The following HSDL2 variants were observed in gnomAD, a reference collection of about 807,000 sequenced individuals.
The protein encoded by HSDL2 is hydroxysteroid dehydrogenase-like protein 2.
In HSDL2, 27 loss-of-function variants were observed where a neutral mutation model predicts 46.3. That is an observed-to-expected ratio of 0.58 (90% CI 0.43 to 0.80). HSDL2 has a LOEUF of 0.80. Among genes scored for constraint, HSDL2 ranks in the 30% least tolerant of loss-of-function variants. The pLI, the probability that HSDL2 is intolerant of heterozygous loss-of-function variation, is 0.00. For synonymous variants in HSDL2, 153 were observed against 163.6 expected (o/e 0.94, Z 0.50); for missense variants, 451 against 502.7 (o/e 0.90, Z 0.98).
chr9:112,390,302 T>A (rs1416821294), intron 1 of HSDL2, among the ~76,000 whole-genome samples: 1 of 152,092 alleles, frequency 6.6e-6, no homozygotes, highest in East Asian at 1.9e-4. Flanking sequence ...TTTATGGACA[T>A]TCAGTTTATG....
chr9:112,449,639 G>A (rs192752145), intron 8 of HSDL2, among the ~76,000 whole-genome samples: 4 of 151,886 alleles, frequency 2.6e-5, no homozygotes, highest in Non-Finnish European at 4.4e-5. Flanking sequence ...TGAGGCAGGC[G>A]GATTGTCTGA....
intron 1 of HSDL2, among the ~76,000 whole-genome samples, chr9:112,397,363 A>C (rs1376684719): frequency 6.6e-6 from 1 of 152,204 alleles, no homozygotes; most frequent in African/African-American, 2.4e-5. Context: ...CTCATGGTTC[A>C]CATTCTTAAA....
At chr9:112,404,576 G>A (rs999718675) in intron 2 of HSDL2, among the ~76,000 whole-genome samples, 11 of 152,018 alleles carry the variant, frequency 7.2e-5, no homozygotes, top group African/African-American at 2.7e-4. Context: ...AGTGGTTCTT[G>A]GATGGGAGGG....
At chr9:112,448,485 T>A (rs1186982263) in intron 8 of HSDL2, among the ~76,000 whole-genome samples, 1 of 152,120 alleles carries the variant, frequency 6.6e-6, no homozygotes, top group East Asian at 1.9e-4. Flanking sequence ...AAATGGGTAC[T>A]TTTTCTATTC....
chr9:112,405,703 A>G lies in HSDL2; in HGVS notation c.261A>G (p.Lys87=), dbSNP rs751539587. 6.2e-7 allele frequency: 1 copy of G among 1,609,970 alleles called. No individual in the cohort carries two copies. The highest frequency in any genetic ancestry group is 8.5e-7 in the Non-Finnish European group (1 of 1,177,640). The change falls in exon 3 of 11, where the codon AAA becomes AAG. Residue 87 remains lysine, a synonymous_variant. Transcript: ENST00000398805. ...AGCAGATCAGTGCTGCAGTGGAGAAAGCCATCAAGAAATTTGGAGGTAATA... is the reference window on the plus strand; with the variant it reads ...AGCAGATCAGTGCTGCAGTGGAGAAGGCCATCAAGAAATTTGGAGGTAATA... ...DEQQISAAVE[K]AIKKFGGIDI...
intron 10 of HSDL2, among the ~76,000 whole-genome samples, chr9:112,464,555 A>C (rs1833320908): frequency 6.6e-6 from 1 of 152,204 alleles, no homozygotes. Context: ...ATATATAGCT[A>C]TAACTAATTT....
At chr9:112,387,273 G>A (rs930800764) in intron 1 of HSDL2, among the ~76,000 whole-genome samples, 2 of 150,942 alleles carry the variant, frequency 1.3e-5, no homozygotes, top group African/African-American at 4.9e-5. Flanking sequence ...AGGCTGGAGT[G>A]CAGTGGTGTG....
At chr9:112,380,795 C>T (rs1831070149) in intron 1 of HSDL2, among the ~76,000 whole-genome samples, 1 of 151,996 alleles carries the variant, frequency 6.6e-6, no homozygotes, top group Non-Finnish European at 1.5e-5. Flanking sequence ...GAACTTTTTT[C>T]ATCTGCAAGC....
At chr9:112,455,873 C>T (rs909839634) in intron 9 of HSDL2, among the ~76,000 whole-genome samples, 3 of 152,212 alleles carry the variant, frequency 2.0e-5, no homozygotes, top group Non-Finnish European at 4.4e-5. Flanking sequence ...TCATCCTTGC[C>T]TCCTTCCCTC....
At chr9:112,427,037 T>TATTAATTA (rs564036699) in intron 6 of HSDL2, among the ~76,000 whole-genome samples, 1 of 152,050 alleles carries the variant, frequency 6.6e-6, no homozygotes, top group South Asian at 2.1e-4. Flanking sequence ...ATTATTATAT[T>TATTAATTA]ATTAATTAAT....
Position 112,470,433 on chromosome 9 carries a change from G to A in HSDL2, c.1146G>A (p.Gly382=), listed in dbSNP as rs763539859. The A allele has an allele frequency of 3.1e-6, 5 of 1,599,676 alleles. No homozygotes were observed. The highest frequency in any genetic ancestry group is 2.2e-5 in the South Asian group (2 of 89,704). The change falls in exon 11 of 11, where the codon GGG becomes GGA. Residue 382 remains glycine (G), a splice_region_variant and synonymous_variant. Coordinates refer to ENST00000398805, the MANE Select transcript of HSDL2 (RefSeq NM_032303.5). ...TTDDFVKMFS[G]KLKPTMAFMS... ...CCCTCTCTCATTTTCTCATTTTAGGGAAACTAAAACCAACAATGGCATTCA... is the reference window on the plus strand; with the variant it reads ...CCCTCTCTCATTTTCTCATTTTAGGAAAACTAAAACCAACAATGGCATTCA...
At chr9:112,442,263 T>C (rs113850103) in intron 8 of HSDL2, among the ~76,000 whole-genome samples, 147 of 95,884 alleles carry the variant, frequency 1.5e-3, no homozygotes, top group African/African-American at 6.1e-3. Flanking sequence ...AGCAAGACCC[T>C]GTCTCAAAAA....
At chr9:112,391,279 G>A (rs1047470151) in intron 1 of HSDL2, among the ~76,000 whole-genome samples, 4 of 151,408 alleles carry the variant, frequency 2.6e-5, no homozygotes, top group Admixed American at 6.6e-5. Flanking sequence ...GAGCCTGGGC[G>A]ACATAGCAAG....
At chr9:112,406,898 G>T (rs1410485570) in intron 3 of HSDL2, among the ~76,000 whole-genome samples, 1 of 152,090 alleles carries the variant, frequency 6.6e-6, no homozygotes, top group African/African-American at 2.4e-5. Context: ...GGCTTTCATG[G>T]TATTATAGTA....
intron 10 of HSDL2, among the ~76,000 whole-genome samples, chr9:112,461,513 ATTTGT>A (rs778202186): frequency 9.9e-5 from 15 of 152,236 alleles, no homozygotes; most frequent in Non-Finnish European, 2.2e-4. Context: ...TCTTATAAAT[ATTTGT>A]TTTAACATGA....
intron 4 of HSDL2, among the ~76,000 whole-genome samples, chr9:112,411,743 G>T (rs1346098490): frequency 6.6e-6 from 1 of 152,120 alleles, no homozygotes; most frequent in Admixed American, 6.6e-5. Flanking sequence ...AAGAGTTTGT[G>T]TTTATTTTCA....
intron 8 of HSDL2, among the ~76,000 whole-genome samples, chr9:112,446,882 G>A (rs1178015189): frequency 6.6e-6 from 1 of 152,198 alleles, no homozygotes; most frequent in Non-Finnish European, 1.5e-5. Flanking sequence ...GTAAAACAGA[G>A]AGACAGCTTC....
intron 6 of HSDL2, among the ~76,000 whole-genome samples, chr9:112,435,636 A>G (rs189992681): frequency 3.5e-4 from 53 of 152,294 alleles, no homozygotes; most frequent in African/African-American, 1.2e-3. Flanking sequence ...ATTAGGTAAG[A>G]TAATGTATGT....
At chr9:112,468,433 TCCTA>T (rs750722692) in intron 10 of HSDL2, among the ~76,000 whole-genome samples, 63 of 152,316 alleles carry the variant, frequency 4.1e-4, no homozygotes, top group Non-Finnish European at 7.9e-4. Flanking sequence ...ACCTTCTTTT[TCCTA>T]CCTTTCTATT....
Sources: allele counts gnomAD v4.1 joint callset (sites outside exome capture counted in the v4.1 genomes callset), GRCh38; gene constraint gnomAD v4.1.1; transcripts MANE v1.5; gene names NCBI Gene and HGNC (gene_info 2026-07-23, HGNC 2026-07-21).